The following KIZ variants were observed in gnomAD, a reference collection of about 807,000 sequenced individuals.
KIZ encodes kizuna centrosomal protein.
Under a neutral mutation model 79.6 loss-of-function variants are expected in KIZ, and 68 were observed. The ratio of observed to expected loss-of-function variants is 0.85; its 90% confidence interval spans 0.70 to 1.05. The LOEUF (loss-of-function observed/expected upper bound fraction) is 1.05, where lower values mean the gene tolerates loss of function less well. Ranked by LOEUF, KIZ falls within the 50% of genes least tolerant of loss-of-function variation. The probability of loss-of-function intolerance (pLI) is 0.00; values close to 1 mark genes in which losing one functional copy is unlikely to be tolerated. For synonymous variants in KIZ, 280 were observed against 281.8 expected (o/e 0.99, Z 0.06); for missense variants, 797 against 800.4 (o/e 1.00, Z 0.05).
intron 9 of KIZ, among the ~76,000 whole-genome samples, chr20:21,217,095 T>TA (rs975791461): frequency 9.2e-5 from 14 of 152,024 alleles, no homozygotes; most frequent in Admixed American, 2.6e-4. Flanking sequence ...AGTTGGCAGT[T>TA]AAAAAAAATG....
chr20:21,240,573 G>A (rs532662129), intron 11 of KIZ, among the ~76,000 whole-genome samples: 27 of 152,362 alleles, frequency 1.8e-4, no homozygotes, highest in African/African-American at 6.3e-4. Flanking sequence ...TGCCCTCTGG[G>A]GTTCCAAGAG....
chr20:21,151,952 A>G (rs1251165119), intron 4 of KIZ: 3 of 151,364 alleles, frequency 2.0e-5, no homozygotes, highest in African/African-American at 4.8e-5. Flanking sequence ...TGAGCTAGGG[A>G]GAGAGAGCAC....
intron 4 of KIZ, among the ~76,000 whole-genome samples, chr20:21,147,019 G>A (rs1019693080): frequency 2.0e-5 from 3 of 152,100 alleles, no homozygotes; most frequent in African/African-American, 4.8e-5. Context: ...TTTGATATTC[G>A]GTCATGAAAT....
At chr20:21,217,666 G>A (rs750491520) in intron 9 of KIZ, among the ~76,000 whole-genome samples, 3 of 152,114 alleles carry the variant, frequency 2.0e-5, no homozygotes, top group Admixed American at 6.5e-5. Flanking sequence ...CTCTGTATTG[G>A]GAAAGCAGAC....
chr20:21,243,475 C>T (rs550088191), intron 11 of KIZ, among the ~76,000 whole-genome samples: 44 of 152,110 alleles, frequency 2.9e-4, no homozygotes, highest in South Asian at 2.1e-4. Context: ...GGCAAAGTGT[C>T]GAGCCATGCA....
chr20:21,169,934 A>G (rs2034129481), intron 6 of KIZ, among the ~76,000 whole-genome samples: 1 of 152,030 alleles, frequency 6.6e-6, no homozygotes, highest in Non-Finnish European at 1.5e-5. Flanking sequence ...ATAATACTCC[A>G]TTGTCTGGAG....
At position 21,162,307 on chromosome 20, in the gene KIZ, G is replaced by T. The variant is rs1420881503; in HGVS notation, c.842G>T (p.Arg281Ile). 5 of 1,613,894 alleles carry T rather than the reference G, an allele frequency of 3.1e-6. No homozygotes were observed. In the South Asian group the frequency reaches 3.3e-5, roughly 11 times the overall value. The change falls in exon 5 of 13, where the codon AGA becomes ATA. Residue 281 changes from arginine to isoleucine, a missense_variant. Coordinates refer to ENST00000619189, the MANE Select transcript of KIZ (RefSeq NM_018474.6). ...GAACTCAATTCCCCGTTACGGGAAAGATTAAGTCCAGAGAACAGAACCACT... is the reference window on the plus strand; with the variant it reads ...GAACTCAATTCCCCGTTACGGGAAATATTAAGTCCAGAGAACAGAACCACT... ...SAELNSPLRE[R>I]LSPENRTTDL...
chr20:21,170,126 T>G (rs1487950988), intron 6 of KIZ, among the ~76,000 whole-genome samples: 1 of 152,166 alleles, frequency 6.6e-6, no homozygotes, highest in Non-Finnish European at 1.5e-5. Flanking sequence ...GTTTTTGGTA[T>G]GGGGTTATTT....
At chr20:21,192,056 A>C (rs1340933033) in intron 6 of KIZ, among the ~76,000 whole-genome samples, 3 of 152,144 alleles carry the variant, frequency 2.0e-5, no homozygotes, top group Non-Finnish European at 2.9e-5. Flanking sequence ...CCAGGGCTCC[A>C]AGGAGCAGGA....
At chr20:21,215,016 GAT>G (rs1403220699) in intron 8 of KIZ, among the ~76,000 whole-genome samples, 4 of 152,188 alleles carry the variant, frequency 2.6e-5, no homozygotes, top group Non-Finnish European at 5.9e-5. Flanking sequence ...AGATGAAGAT[GAT>G]TCCATAAAGT....
chr20:21,185,407 CTTTT>C (rs1269681079), intron 6 of KIZ, among the ~76,000 whole-genome samples: 1 of 131,346 alleles, frequency 7.6e-6, no homozygotes, highest in Non-Finnish European at 1.6e-5. Context: ...ATTATTCTAC[CTTTT>C]TTTTTTTTTT....
chr20:21,235,473 C>G (rs6132409), intron 11 of KIZ, among the ~76,000 whole-genome samples: 1 of 152,126 alleles, frequency 6.6e-6, no homozygotes, highest in Non-Finnish European at 1.5e-5. Context: ...GGAGTGAGTC[C>G]TAATAGGAAG....
chr20:21,174,483 G>T (rs1447608937), intron 6 of KIZ, among the ~76,000 whole-genome samples: 2 of 152,084 alleles, frequency 1.3e-5, no homozygotes, highest in Non-Finnish European at 2.9e-5. Context: ...TAAATAGGAA[G>T]CTCAAAAAGC....
chr20:21,139,193 G>C (rs2032378207), intron 3 of KIZ: 3 of 151,158 alleles, frequency 2.0e-5, no homozygotes, highest in Non-Finnish European at 4.4e-5. Flanking sequence ...GCCAATTGGA[G>C]TCTCTCCAGA....
Position 21,215,567 on chromosome 20 carries a change from T to C in KIZ, c.1613-16T>C. On this transcript the variant is annotated splice_polypyrimidine_tract_variant and intron_variant, in intron 8 of 12. Transcript: ENST00000619189. ...ACTTTGAAATACTTTTTTTTTATTA[T>C]GCATTCAATTTTTAGAAGTTTCAAG... 6.6e-7 allele frequency: 1 copy of C among 1,516,484 alleles called. No homozygotes were observed. The highest frequency in any genetic ancestry group is 9.1e-7 in the Non-Finnish European group (1 of 1,099,356). The allele number at this position is 1,516,484 out of a possible 1,614,324, so 93.9% of individuals were successfully genotyped here. A position where few individuals can be genotyped will look rare whatever the true frequency, so the allele number is the denominator to read the frequency against.
chr20:21,137,041 T>A (rs2032231506), intron 3 of KIZ, among the ~76,000 whole-genome samples: 1 of 152,244 alleles, frequency 6.6e-6, no homozygotes, highest in Admixed American at 6.5e-5. Flanking sequence ...TGGTATTTGT[T>A]GGCTGAATGA....
intron 6 of KIZ, chr20:21,194,706 T>A (rs927236260): frequency 6.6e-6 from 1 of 152,118 alleles, no homozygotes; most frequent in African/African-American, 2.4e-5. Context: ...AAAAATACTG[T>A]CAGCCAGGTG....
At chr20:21,142,263 G>C (rs1200308719) in intron 3 of KIZ, among the ~76,000 whole-genome samples, 1 of 152,014 alleles carries the variant, frequency 6.6e-6, no homozygotes, top group Admixed American at 6.6e-5. Context: ...AATTATCTCA[G>C]TAAGCACTTC....
chr20:21,233,753 C>A (rs943521214), intron 11 of KIZ, among the ~76,000 whole-genome samples: 3 of 151,986 alleles, frequency 2.0e-5, no homozygotes, highest in African/African-American at 4.8e-5. Flanking sequence ...TATTTTTATT[C>A]ATATTTTATA....
Sources: allele counts gnomAD v4.1 joint callset (sites outside exome capture counted in the v4.1 genomes callset), GRCh38; gene constraint gnomAD v4.1.1; transcripts MANE v1.5; gene names NCBI Gene and HGNC (gene_info 2026-07-23, HGNC 2026-07-21).